The following SLC18A1 variants were observed in gnomAD, a reference collection of about 807,000 sequenced individuals.
SLC18A1 encodes chromaffin granule amine transporter.
A neutral mutation model predicts 53.7 loss-of-function variants in SLC18A1; 69 were observed. That is an observed-to-expected ratio of 1.28 (90% CI 1.06 to 1.57). The LOEUF is 1.57. Among genes scored for constraint, SLC18A1 ranks in the 40% most tolerant of loss-of-function variants. SLC18A1 has a pLI of 0.00. For synonymous variants in SLC18A1, 320 were observed against 248.1 expected (o/e 1.29, Z -2.72); for missense variants, 932 against 668.1 (o/e 1.40, Z -4.35).
intron 6 of SLC18A1, 102 bp downstream of exon 6, chr8:20,172,934 G>T: frequency 1.3e-6 from 1 of 795,304 alleles, no homozygotes; most frequent in Non-Finnish European, 2.1e-6. Flanking sequence ...AATAGGATGA[G>T]GCCAACAAGG....
rs1360584352 is a variant in SLC18A1, at chr8:20,180,989, T to G, written c.-25A>C. 6.4e-7 allele frequency: 1 copy of G among 1,555,684 alleles called. No homozygotes were observed. Among genetic ancestry groups the G allele is most frequent in the Non-Finnish European group, 8.7e-7 (1 of 1,149,208 alleles). ...TGGTGATGGCCGGACTGGGGCAGTCTTCCCCTGCGGGCTCTTAGGGAAGGT... is the reference window on the plus strand; with the variant it reads ...TGGTGATGGCCGGACTGGGGCAGTCGTCCCCTGCGGGCTCTTAGGGAAGGT... On this transcript the variant is annotated 5_prime_UTR_variant, in exon 2 of 16. Coordinates refer to ENST00000276373, the MANE Select transcript of SLC18A1 (RefSeq NM_003053.4).
chr8:20,162,107 T>C (rs1390942), intron 10 of SLC18A1, among the ~76,000 whole-genome samples: 123,962 of 152,116 alleles, frequency 0.81, 50,688 homozygotes, highest in African/African-American at 0.84. Flanking sequence ...ACTTGAGCCA[T>C]GGCTGGCACA....
At chr8:20,165,618 G>T (rs1018993488) in intron 8 of SLC18A1, among the ~76,000 whole-genome samples, 1 of 152,084 alleles carries the variant, frequency 6.6e-6, no homozygotes, top group African/African-American at 2.4e-5. Flanking sequence ...GAAGAAGCAG[G>T]GTTAAAATAC....
chr8:20,147,735 C>A lies in SLC18A1; in HGVS notation c.1211-13G>T. The A allele has an allele frequency of 3.1e-6, 5 of 1,611,452 alleles. No individual in the cohort carries two copies. The highest frequency in any genetic ancestry group is 1.1e-5 in the South Asian group (1 of 90,738). On this transcript the variant is annotated splice_polypyrimidine_tract_variant and intron_variant, in intron 13 of 15. Transcript: ENST00000276373. ...GAATCCACCATGCCTGTGGCCAGAGCAAACAGGACACAGTCAGCCCCACCC... is the reference window on the plus strand; with the variant it reads ...GAATCCACCATGCCTGTGGCCAGAGAAAACAGGACACAGTCAGCCCCACCC...
chr8:20,180,056 C>G (rs1037742383), intron 2 of SLC18A1, among the ~76,000 whole-genome samples: 30 of 151,402 alleles, frequency 2.0e-4, no homozygotes, highest in Admixed American at 1.9e-3. Context: ...TTCTTTTTCT[C>G]TTTTATAAAG....
In SLC18A1 at chr8:20,179,114, G is replaced by C; in HGVS notation, c.488+7C>G. 6.2e-7 allele frequency: 1 copy of C among 1,606,914 alleles called. No homozygotes were observed. The highest frequency in any genetic ancestry group is 1.7e-5 in the Admixed American group (1 of 59,698). Reference sequence around the variant, plus strand: ...TACCCTGCGGGGCACTGCACCCAGTGAGATACCTGTTGGTGAGAGGGCCCA... The same window carrying C: ...TACCCTGCGGGGCACTGCACCCAGTCAGATACCTGTTGGTGAGAGGGCCCA... On this transcript the variant is annotated splice_region_variant and intron_variant, in intron 3 of 15. Coordinates refer to ENST00000276373, the MANE Select transcript of SLC18A1 (RefSeq NM_003053.4).
intron 10 of SLC18A1, among the ~76,000 whole-genome samples, chr8:20,152,599 G>T (rs543089843): frequency 5.8e-4 from 89 of 152,274 alleles, no homozygotes; most frequent in Non-Finnish European, 9.9e-4. Flanking sequence ...TGGTTGAAGT[G>T]CAAGAGCATG....
rs1246463412 is a variant in SLC18A1, at chr8:20,145,855, G to A, written c.1486C>T (p.Pro496Ser). Residue 496 changes from proline (P) to serine (S), a missense_variant, in exon 16 of 16, where the codon CCC becomes TCC. Coordinates refer to ENST00000276373, the MANE Select transcript of SLC18A1 (RefSeq NM_003053.4). ...GTTGCATACATCCGGGTCTCCATGG[G>A]GCAGTCCTGACTCAGAATAGCCTGC... ...EKLAILSQDCPMETRMYATQK... is the reference protein window; with the variant it reads ...EKLAILSQDCSMETRMYATQK... 6.2e-7 allele frequency: 1 copy of A among 1,609,720 alleles called. No individual in the cohort carries two copies. The highest frequency in any genetic ancestry group is 1.7e-5 in the Admixed American group (1 of 59,448).
intron 1 of SLC18A1, 76 bp from the exon 2 acceptor site, chr8:20,181,163 T>C: frequency 2.1e-6 from 1 of 483,310 alleles, no homozygotes; most frequent in Non-Finnish European, 3.6e-6. Context: ...TGTATCACTG[T>C]TCACTTCTTA....
At chr8:20,175,775 T>G (rs1010738657) in intron 4 of SLC18A1, 1 of 152,348 alleles carries the variant, frequency 6.6e-6, no homozygotes, top group Admixed American at 6.5e-5. Context: ...TGTCTTTGGT[T>G]GTGTTTTTAA....
chr8:20,181,399 A>G (rs1330011469), intron 1 of SLC18A1, among the ~76,000 whole-genome samples: 1 of 152,146 alleles, frequency 6.6e-6, no homozygotes, highest in African/African-American at 2.4e-5. Flanking sequence ...ATATCTAAGG[A>G]CTACCTGTAC....
intron 13 of SLC18A1, 69 bp from the exon 14 acceptor site, chr8:20,147,791 C>T (rs2071440660): frequency 1.3e-6 from 2 of 1,581,160 alleles, no homozygotes; most frequent in Non-Finnish European, 1.7e-6. Flanking sequence ...TCTCCTCCTC[C>T]ATTTAGTCCA....
At chr8:20,176,563 G>T (rs940161215) in intron 4 of SLC18A1, among the ~76,000 whole-genome samples, 4 of 152,010 alleles carry the variant, frequency 2.6e-5, no homozygotes, top group African/African-American at 9.7e-5. Flanking sequence ...CCTTTACATG[G>T]GCCACCATTT....
At chr8:20,180,108 T>TTGTGTG (rs112531759) in intron 2 of SLC18A1, among the ~76,000 whole-genome samples, 15,149 of 145,892 alleles carry the variant, frequency 0.1, 1,015 homozygotes, top group African/African-American at 0.19. Context: ...AAGATTATAA[T>TTGTGTG]TGTGTGTGTG....
At chr8:20,172,081 T>C (rs2072136892) in intron 6 of SLC18A1, among the ~76,000 whole-genome samples, 2 of 152,208 alleles carry the variant, frequency 1.3e-5, no homozygotes, top group African/African-American at 2.4e-5. Context: ...TCACCTGCTC[T>C]GGGCTCAGGA....
intron 1 of SLC18A1, among the ~76,000 whole-genome samples, chr8:20,181,368 A>C (rs538587098): frequency 6.6e-6 from 1 of 152,312 alleles, no homozygotes; most frequent in South Asian, 2.1e-4. Flanking sequence ...TTATTTGCCT[A>C]TCACCTTGAT....
intron 10 of SLC18A1, 137 bp from the exon 11 acceptor site, chr8:20,150,881 T>C: frequency 1.3e-6 from 1 of 742,774 alleles, no homozygotes; most frequent in Non-Finnish European, 2.3e-6. Context: ...TCTGGGGACC[T>C]TTGTGCAAAC....
intron 10 of SLC18A1, among the ~76,000 whole-genome samples, chr8:20,161,143 T>A (rs76608805): frequency 6.6e-6 from 1 of 152,140 alleles, no homozygotes; most frequent in Non-Finnish European, 1.5e-5. Context: ...GTTTCAGAAG[T>A]CTTAAGTGGT....
rs1251477908 is a variant in SLC18A1 at position 20,174,777 on chromosome 8, G to A, written c.548-333C>T. Among the ~76,000 whole-genome samples the A allele has an allele frequency of 4.6e-5, 7 of 152,156 alleles. 1 individual carries two copies. On this transcript the variant is annotated intron_variant, in intron 4 of 15. Coordinates refer to ENST00000276373, the MANE Select transcript of SLC18A1 (RefSeq NM_003053.4). ...TCCATGAAGCTCAGTGTCCTAGGCTGGAAACTGGTTCTTAGATCATACTCC... is the reference window on the plus strand; with the variant it reads ...TCCATGAAGCTCAGTGTCCTAGGCTAGAAACTGGTTCTTAGATCATACTCC...
Sources: allele counts gnomAD v4.1 joint callset (sites outside exome capture counted in the v4.1 genomes callset), GRCh38; gene constraint gnomAD v4.1.1; transcripts MANE v1.5; gene names NCBI Gene and HGNC (gene_info 2026-07-23, HGNC 2026-07-21).